SRRM2: variants seen among roughly 807,000 people sequenced by gnomAD.
SRRM2 encodes the protein serine/arginine repetitive matrix protein 2.
A neutral mutation model predicts 213.8 loss-of-function variants in SRRM2; 30 were observed. The observed-to-expected ratio is 0.14, with a 90% CI of 0.10 to 0.19. The LOEUF (loss-of-function observed/expected upper bound fraction) is 0.19. Ranked by LOEUF, SRRM2 falls within the 10% of genes least tolerant of loss-of-function variation. SRRM2 has a pLI of 1.00. For synonymous variants in SRRM2, 2,025 were observed against 1,377.7 expected (o/e 1.47, Z -10.40); for missense variants, 4,904 against 3,647.0 (o/e 1.34, Z -8.88).
Position 2,771,094 on chromosome 16 carries a change from AGGG to A in SRRM2, c.*228_*230del. ...TGTGTTCTGGGGGGTTTGGGGTGGG[AGGG>A]AATGCAGATGGGAGTTGGGGGAGGG... On this transcript the variant is annotated 3_prime_UTR_variant, in exon 15 of 15. Transcript: ENST00000301740. The A allele has an allele frequency of 1.2e-5, 2 of 170,830 alleles. No homozygotes were observed. The highest frequency in any genetic ancestry group is 2.1e-5 in the Non-Finnish European group (2 of 94,052). The allele number at this position is 170,830 out of a possible 1,614,324, so 10.6% of individuals were successfully genotyped here.
chr16:2,770,689 C>T lies in SRRM2; in HGVS notation c.8221C>T (p.Pro2741Ser), dbSNP rs1166515675. ...CAAGCGCAGGAGGGAGACACCTAGC[C>T]CTCGGCCCATGAGACACCGCTCCTC... ...SHKRRRETPS[P>S]RPMRHRSSRS... The change falls in exon 14 of 15, where the codon CCT (proline) becomes TCT (serine). Residue 2741 changes from proline (P) to serine (S), a missense_variant. Coordinates refer to ENST00000301740, the MANE Select transcript of SRRM2 (RefSeq NM_016333.4). The T allele has an allele frequency of 2.5e-5, 39 of 1,557,086 alleles. No individual in the cohort carries two copies. The highest frequency in any genetic ancestry group is 3.4e-5 in the Non-Finnish European group (39 of 1,149,444).
chr16:2,763,468 A>G lies in SRRM2; in HGVS notation c.2940A>G (p.Lys980=), dbSNP rs1420474502. The G allele has an allele frequency of 1.2e-6, 2 of 1,614,034 alleles. No homozygotes were observed. The highest frequency in any genetic ancestry group is 1.7e-6 in the Non-Finnish European group (2 of 1,180,040). ...CCTCCTCACCAGATACCAAAGTGAA[A>G]CCTGAAACACCGCCAAGACAAAGTC... ...SGSSSPDTKV[K]PETPPRQSHS... is the part of the protein sequence containing the mutation. Residue 980 remains lysine, a synonymous_variant, in exon 11 of 15, where the codon AAA becomes AAG. Coordinates refer to ENST00000301740, the MANE Select transcript of SRRM2 (RefSeq NM_016333.4).
chr16:2,771,320 A>C lies in SRRM2; in HGVS notation c.*453A>C. The C allele has an allele frequency of 1.5e-6, 2 of 1,310,666 alleles. No homozygotes were observed. Among genetic ancestry groups the C allele is most frequent in the Non-Finnish European group, 2.2e-6 (2 of 913,984 alleles). The allele number at this position is 1,310,666 out of a possible 1,614,324, so 81.2% of individuals were successfully genotyped here. On this transcript the variant is annotated 3_prime_UTR_variant, in exon 15 of 15. Coordinates refer to ENST00000301740, the MANE Select transcript of SRRM2 (RefSeq NM_016333.4). ...CATGAGGTTGTGAACCCCTCCCCCC[A>C]ACTTTTCATGTTTCTTAAAGGCATT...
chr16:2,765,061 C>A lies in SRRM2; in HGVS notation c.4533C>A (p.Thr1511=), dbSNP rs369383992. 3 of 1,614,036 alleles carry A rather than the reference C, an allele frequency of 1.9e-6. No individual in the cohort carries two copies. The highest frequency in any genetic ancestry group is 1.1e-5 in the South Asian group (1 of 91,082). The change falls in exon 11 of 15, where the codon ACC becomes ACA. Residue 1511 remains threonine (T), a synonymous_variant. Transcript: ENST00000301740. ...SSPELNNKCL[T]PQRERSGSES... ...CAGAGCTCAACAACAAGTGTCTTAC[C>A]CCCCAGAGAGAAAGAAGCGGGTCAG... is the stretch of plus-strand genomic sequence containing the variant.
chr16:2,756,096 G>C (rs930994086), intron 1 of SRRM2, among the ~76,000 whole-genome samples: 1 of 152,184 alleles, frequency 6.6e-6, no homozygotes, highest in African/African-American at 2.4e-5. Flanking sequence ...TTCTGTGCAA[G>C]GGCATTGAGA....
rs748318578 is a variant in SRRM2, at chr16:2,764,274, C to A, written c.3746C>A (p.Ala1249Glu). Residue 1249 changes from alanine to glutamate, a missense_variant, in exon 11 of 15, where the codon GCA becomes GAA. Physicochemically the swap from Ala to Glu is moderately radical, Grantham distance 107. Transcript: ENST00000301740. ...MEVVEKSEEP[A>E]GQILSHLSSE... The stretch of plus-strand genomic sequence containing the variant: ...GTGGTAGAGAAGTCTGAAGAACCCG[C>A]AGGCCAAATCCTGTCTCATTTGTCT... 1 of 1,613,870 alleles carries A rather than the reference C, an allele frequency of 6.2e-7. No homozygotes were observed. The highest frequency in any genetic ancestry group is 8.5e-7 in the Non-Finnish European group (1 of 1,179,950).
chr16:2,768,869 C>A (rs749501860), intron 11 of SRRM2, 128 bp from the exon 12 acceptor site: 2 of 1,537,914 alleles, frequency 1.3e-6, no homozygotes, highest in Admixed American at 2.0e-5. Context: ...TGCTGGCTCA[C>A]GTGGCTCGGA....
In SRRM2 at chr16:2,762,064, G is replaced by A. The variant is rs556171344; in HGVS notation, c.1536G>A (p.Gln512=). The change falls in exon 11 of 15, where the codon CAG becomes CAA. Residue 512 remains glutamine, a synonymous_variant. Coordinates refer to ENST00000301740, the MANE Select transcript of SRRM2 (RefSeq NM_016333.4). ...GTCATTCTCGATCCCGATCTCCCCA[G>A]TGGCGTAGGTCCAGGTCTGCACAGA... The part of the protein sequence containing the change: ...KRGHSRSRSP[Q]WRRSRSAQRW... 6.2e-7 allele frequency: 1 copy of A among 1,614,220 alleles called. No homozygotes were observed. The highest frequency in any genetic ancestry group is 1.3e-5 in the African/African-American group (1 of 75,054).
At chr16:2,757,428 A>C (rs2068183953) in intron 2 of SRRM2, 44 bp from the exon 3 acceptor site, 1 of 1,573,268 alleles carries the variant, frequency 6.4e-7, no homozygotes, top group African/African-American at 1.4e-5. Context: ...GGGACTGGGG[A>C]AAGTGTCCTG....
At position 2,765,587 on chromosome 16, in the gene SRRM2, C is replaced by T. The variant is rs1299610405; in HGVS notation, c.5059C>T (p.Arg1687Ter). Residue 1687 changes from arginine to a stop codon, truncating the protein, a stop_gained, in exon 11 of 15, where the codon CGA (arginine) becomes TGA (stop). Coordinates refer to ENST00000301740, the MANE Select transcript of SRRM2 (RefSeq NM_016333.4). LOFTEE classifies it high-confidence loss of function. Reference protein sequence around the residue: ...EPKTKSRTPPRRRSSRSSPEL... With the variant: ...EPKTKSRTPP Reference sequence around the variant, plus strand: ...CAAGACCAAGTCTCGTACACCACCTCGACGTCGCAGCTCTCGATCATCTCC... The same window carrying T: ...CAAGACCAAGTCTCGTACACCACCTTGACGTCGCAGCTCTCGATCATCTCC... The T allele has an allele frequency of 6.2e-7, 1 of 1,614,074 alleles. No individual in the cohort carries two copies. The highest frequency in any genetic ancestry group is 2.2e-5 in the East Asian group (1 of 44,896).
At position 2,766,515 on chromosome 16, in the gene SRRM2, C is replaced by T. The variant is rs1490081769; in HGVS notation, c.5987C>T (p.Ser1996Phe). 6.2e-7 allele frequency: 1 copy of T among 1,614,020 alleles called. No individual in the cohort carries two copies. Among genetic ancestry groups the T allele is most frequent in the Middle Eastern group, 1.6e-4 (1 of 6,062 alleles). Residue 1996 changes from serine (S) to phenylalanine (F), a missense_variant, in exon 11 of 15, where the codon TCT (serine) becomes TTT (phenylalanine). Physicochemically the swap from Ser to Phe is radical, Grantham distance 155. Coordinates refer to ENST00000301740, the MANE Select transcript of SRRM2 (RefSeq NM_016333.4). The surrounding 1 kb of genome is among the most constrained non-coding windows in gnomAD (Gnocchi z 7.0). Reference protein sequence around the residue: ...TSPVTRRRSRSRTSPVTRRRS... With the variant: ...TSPVTRRRSRFRTSPVTRRRS... ...CCGGTCACCCGAAGGAGATCTCGAT[C>T]TCGCACATCTCCAGTAACTCGAAGA...
chr16:2,759,930 G>A (rs968006192), intron 9 of SRRM2: 12 of 534,084 alleles, frequency 2.2e-5, no homozygotes, highest in Middle Eastern at 4.9e-4. Flanking sequence ...TGGTTTGTTC[G>A]TGGTGTCTGG....
rs757548056 is a variant in SRRM2, at chr16:2,766,679, C to T, written c.6151C>T (p.Arg2051Cys). 2.4e-5 allele frequency: 38 copies of T among 1,614,050 alleles called. No homozygotes were observed. Among genetic ancestry groups the T allele is most frequent in the African/African-American group, 1.6e-4 (12 of 74,920 alleles). The stretch of plus-strand genomic sequence containing the variant: ...TCGAAGTCGCTCACCACTTGCTATC[C>T]GCCGCCGCTCCAGATCCCGTACTCC... ...RSRSRSPLAI[R>C]RRSRSRTPRT... Residue 2051 changes from arginine (R) to cysteine (C), a missense_variant, in exon 11 of 15, where the codon CGC (arginine) becomes TGC (cysteine). Transcript: ENST00000301740. The surrounding 1 kb of genome is among the most constrained non-coding windows in gnomAD (Gnocchi z 7.0).
intron 14 of SRRM2, 67 bp from the exon 15 acceptor site, chr16:2,770,791 G>A: frequency 2.5e-6 from 4 of 1,611,502 alleles, no homozygotes; most frequent in East Asian, 4.5e-5. Flanking sequence ...CATTTTGGGA[G>A]TGGCCCAGAA....
chr16:2,753,179 G>T lies in SRRM2; in HGVS notation c.-32+333G>T, dbSNP rs1028550054. ...GTGCCGCCGAGGTGGCCTTCCTGCA[G>T]CTGCCGTTTTCGGCCCTTAAGTGGC... On this transcript the variant is annotated intron_variant, in intron 1 of 14. Transcript: ENST00000301740. Among the ~76,000 whole-genome samples the T allele has an allele frequency of 1.0e-3, 154 of 151,878 alleles. 1 individual carries two copies. The highest frequency in any genetic ancestry group is 2.4e-3 in the African/African-American group (100 of 41,410).
intron 12 of SRRM2, 154 bp downstream of exon 12, chr16:2,769,438 G>C (rs1317282985): frequency 2.3e-6 from 2 of 867,882 alleles, no homozygotes; most frequent in African/African-American, 1.7e-5. Context: ...CCCCATGCTC[G>C]TTGCACCCTG....
chr16:2,770,803 CTG>C, intron 14 of SRRM2, 53 bp from the exon 15 acceptor site: 1 of 1,613,086 alleles, frequency 6.2e-7, no homozygotes, highest in Non-Finnish European at 8.5e-7. Context: ...GGCCCAGAAA[CTG>C]GCCTTGAGGG....
At chr16:2,754,693 G>T (rs1197816812) in intron 1 of SRRM2, among the ~76,000 whole-genome samples, 2 of 152,194 alleles carry the variant, frequency 1.3e-5, no homozygotes, top group Non-Finnish European at 2.9e-5. Flanking sequence ...AAAACATGCT[G>T]CAGGGGAAGC....
chr16:2,760,465 G>C lies in SRRM2; in HGVS notation c.998G>C (p.Ser333Thr), dbSNP rs778575850. Residue 333 changes from serine to threonine, a missense_variant, in exon 10 of 15, where the codon AGC becomes ACC. Ser to Thr is a moderately conservative substitution (Grantham distance 58). Coordinates refer to ENST00000301740, the MANE Select transcript of SRRM2 (RefSeq NM_016333.4). ...GAGACTGCTACGAAACAGCCTAGCA[G>C]CCCTTATGAAGACAAAGATAAAGAC... ...SPETATKQPSSPYEDKDKDKK... is the reference protein window; with the variant it reads ...SPETATKQPSTPYEDKDKDKK... 2.1e-5 allele frequency: 34 copies of C among 1,614,094 alleles called. No individual in the cohort carries two copies. Among genetic ancestry groups the C allele is most frequent in the Non-Finnish European group, 2.5e-5 (30 of 1,180,062 alleles).
Sources: allele counts gnomAD v4.1 joint callset (sites outside exome capture counted in the v4.1 genomes callset), GRCh38; gene constraint gnomAD v4.1.1; non-coding constraint Gnocchi (gnomAD v3.1); transcripts MANE v1.5; gene names NCBI Gene and HGNC (gene_info 2026-07-23, HGNC 2026-07-21).